The following RAD23B variants were observed in gnomAD, a reference collection of about 807,000 sequenced individuals.
The protein encoded by RAD23B is RAD23 nucleotide excision repair protein B, also known as lysine-specific demethylase RAD23B.
A neutral mutation model predicts 49.1 loss-of-function variants in RAD23B; 5 were observed. The observed-to-expected ratio is 0.10, with a 90% CI of 0.05 to 0.21. RAD23B has a LOEUF of 0.21. Ranked by LOEUF, RAD23B falls within the 10% of genes least tolerant of loss-of-function variation. The probability of loss-of-function intolerance (pLI) is 1.00; values close to 1 mark genes in which losing one functional copy is unlikely to be tolerated. For synonymous variants in RAD23B, 184 were observed against 165.4 expected (o/e 1.11, Z -0.86); for missense variants, 356 against 486.7 (o/e 0.73, Z 2.53).
intron 1 of RAD23B, among the ~76,000 whole-genome samples, chr9:107,287,170 G>A (rs188260464): frequency 6.6e-6 from 1 of 152,086 alleles, no homozygotes; most frequent in Admixed American, 6.5e-5. Context: ...TAGTCAATTA[G>A]TGTTTTATAT....
intron 4 of RAD23B, among the ~76,000 whole-genome samples, chr9:107,306,877 G>A (rs1826789947): frequency 6.6e-6 from 1 of 150,880 alleles, no homozygotes; most frequent in Admixed American, 6.7e-5. Context: ...GGGCAGGGTG[G>A]GGGGCAGTGG....
rs533351224 is a variant in RAD23B, at chr9:107,304,631, G to T, written c.229-1748G>T. Among the ~76,000 whole-genome samples, 6 of 152,304 alleles carry T rather than the reference G, an allele frequency of 3.9e-5. No individual in the cohort carries two copies. The East Asian group carries it at 1.2e-3, about 29-fold the overall frequency. Reference sequence around the variant, plus strand: ...AGGCAGCTCATTGGTTTTAGAGTTTGTTTATGCCTGTGGCAAATTATGTTG... The same window carrying T: ...AGGCAGCTCATTGGTTTTAGAGTTTTTTTATGCCTGTGGCAAATTATGTTG... On this transcript the variant is annotated intron_variant, in intron 3 of 9. Coordinates refer to ENST00000358015, the MANE Select transcript of RAD23B (RefSeq NM_002874.5).
At position 107,322,135 on chromosome 9, in the gene RAD23B, T is replaced by C; in HGVS notation, c.817+17T>C. 6.3e-7 allele frequency: 1 copy of C among 1,579,592 alleles called. No homozygotes were observed. Among genetic ancestry groups the C allele is most frequent in the Non-Finnish European group, 8.6e-7 (1 of 1,161,958 alleles). On this transcript the variant is annotated intron_variant, in intron 7 of 9. Transcript: ENST00000358015. Reference sequence around the variant, plus strand: ...GTTCTGGAGGTAAAGCGGAATCTTCTGGATGGGGAGGGAATGGCCCTGAAT... The same window carrying C: ...GTTCTGGAGGTAAAGCGGAATCTTCCGGATGGGGAGGGAATGGCCCTGAAT...
intron 6 of RAD23B, among the ~76,000 whole-genome samples, chr9:107,321,165 A>G (rs1208453849): frequency 6.6e-6 from 1 of 152,182 alleles, no homozygotes; most frequent in African/African-American, 2.4e-5. Flanking sequence ...TCACCTAAAA[A>G]CTAAATGGTT....
In RAD23B at chr9:107,294,771, A is replaced by G. The variant is rs148947044; in HGVS notation, c.67-5370A>G. ...AAGGTCAGGGAGAGAGAGCTGGGCT[A>G]GAAATACAGATGACATCTGCATGGT... On this transcript the variant is annotated intron_variant, in intron 1 of 9. Transcript: ENST00000358015. Among the ~76,000 whole-genome samples, 16 of 152,334 alleles carry G rather than the reference A, an allele frequency of 1.1e-4. No individual in the cohort carries two copies. In the East Asian group the frequency reaches 2.9e-3, roughly 28 times the overall value.
intron 8 of RAD23B, among the ~76,000 whole-genome samples, chr9:107,324,357 TA>T (rs1827162287): frequency 6.6e-6 from 1 of 152,188 alleles, no homozygotes; most frequent in South Asian, 2.1e-4. Flanking sequence ...ACAAGCTTAT[TA>T]CTCAGTTCCT....
At chr9:107,289,125 T>TCCCTCTC (rs1833335900) in intron 1 of RAD23B, among the ~76,000 whole-genome samples, 1 of 116,632 alleles carries the variant, frequency 8.6e-6, no homozygotes. Context: ...CCTTCCCCCT[T>TCCCTCTC]CCCTCTCCTT....
intron 7 of RAD23B, 117 bp from the exon 8 acceptor site, chr9:107,323,773 A>G (rs1827151087): frequency 2.0e-6 from 2 of 999,348 alleles, no homozygotes; most frequent in South Asian, 1.4e-5. Context: ...ATTTTATTAC[A>G]TCTGAGAACT....
chr9:107,288,918 G>A (rs144326171), intron 1 of RAD23B, among the ~76,000 whole-genome samples: 4 of 152,198 alleles, frequency 2.6e-5, no homozygotes, highest in South Asian at 2.1e-4. Flanking sequence ...ATAAGAGAGT[G>A]AGTTAGGCAA....
At chr9:107,311,040 G>A (rs1826878599) in intron 4 of RAD23B, among the ~76,000 whole-genome samples, 1 of 152,022 alleles carries the variant, frequency 6.6e-6, no homozygotes. Flanking sequence ...ATATTTCTTT[G>A]GCTTGCTCTT....
rs1161721301 is a variant in RAD23B at position 107,302,058 on chromosome 9, G to C, written c.172G>C (p.Ala58Pro). The change falls in exon 3 of 10, where the codon GCT (alanine) becomes CCT (proline). Residue 58 changes from alanine to proline, a missense_variant. Transcript: ENST00000358015. ...AGGCAAAATCCTCAATGATGATACT[G>C]CTCTCAAAGAATATAAAATTGATGA... ...YAGKILNDDT[A>P]LKEYKIDEKN... The C allele has an allele frequency of 6.2e-7, 1 of 1,612,496 alleles. No individual in the cohort carries two copies. Among genetic ancestry groups the C allele is most frequent in the Admixed American group, 1.7e-5 (1 of 59,886 alleles).
At chr9:107,319,231 C>T (rs994141204) in intron 6 of RAD23B, among the ~76,000 whole-genome samples, 2 of 146,950 alleles carry the variant, frequency 1.4e-5, no homozygotes, top group Admixed American at 6.9e-5. Flanking sequence ...CCCAGGTTCA[C>T]GCCTTTCTCC....
intron 1 of RAD23B, among the ~76,000 whole-genome samples, chr9:107,295,841 A>G (rs1826503691): frequency 6.6e-6 from 1 of 152,228 alleles, no homozygotes; most frequent in South Asian, 2.1e-4. Context: ...GTACTGACAA[A>G]TAAATGGTGT....
At chr9:107,321,622 G>A (rs1189255766) in intron 6 of RAD23B, among the ~76,000 whole-genome samples, 2 of 152,180 alleles carry the variant, frequency 1.3e-5, no homozygotes, top group Admixed American at 6.5e-5. Context: ...ACCTTTGGTT[G>A]TGTTCAGTTT....
intron 9 of RAD23B, among the ~76,000 whole-genome samples, chr9:107,326,429 C>T (rs774105093): frequency 2.8e-5 from 4 of 142,632 alleles, no homozygotes; most frequent in East Asian, 2.2e-4. Flanking sequence ...TGCAGTGAGC[C>T]GAGATTGCGC....
intron 2 of RAD23B, 82 bp downstream of exon 2, chr9:107,300,304 T>C (rs1319727183): frequency 1.4e-6 from 2 of 1,392,404 alleles, no homozygotes; most frequent in Non-Finnish European, 1.9e-6. Flanking sequence ...TATTGTAGTA[T>C]ATTCAAATTG....
intron 1 of RAD23B, among the ~76,000 whole-genome samples, chr9:107,291,849 G>A (rs1452523126): frequency 2.0e-5 from 3 of 152,134 alleles, no homozygotes; most frequent in African/African-American, 7.2e-5. Flanking sequence ...TTTAATTGCT[G>A]CTATTATTTT....
intron 1 of RAD23B, 67 bp from the exon 2 acceptor site, chr9:107,300,055 TTTTTGTCTTCCATTATTTA>T (rs1826615811): frequency 6.8e-7 from 1 of 1,467,998 alleles, no homozygotes; most frequent in Non-Finnish European, 9.1e-7. Flanking sequence ...ATGTATATAA[TTTTTGTCTTCCATTATTTA>T]TTCAGATTCT....
intron 4 of RAD23B, 75 bp from the exon 5 acceptor site, chr9:107,311,607 G>T: frequency 1.0e-6 from 1 of 970,996 alleles, no homozygotes; most frequent in Non-Finnish European, 1.5e-6. Flanking sequence ...TTTACCAATT[G>T]GATAGTTACT....
Sources: gnomAD v4.1 joint callset for allele counts (sites outside exome capture counted in the v4.1 genomes callset) on GRCh38, gnomAD v4.1.1 for gene constraint, MANE v1.5 for transcripts, NCBI Gene and HGNC (gene_info 2026-07-23, HGNC 2026-07-21) for gene names.